Variants in NRXN1 observed in about 807,000 individuals in gnomAD.
The protein encoded by NRXN1 is neurexin-1.
A neutral mutation model predicts 150.9 loss-of-function variants in NRXN1; 39 were observed. That is an observed-to-expected ratio of 0.26 (90% CI 0.20 to 0.34). The LOEUF is 0.34. Among genes scored for constraint, NRXN1 ranks in the 10% least tolerant of loss-of-function variants. The pLI, the probability that NRXN1 is intolerant of heterozygous loss-of-function variation, is 1.00. For missense variants in NRXN1, 1,815 were observed against 1,949.9 expected (o/e 0.93, Z 1.30); for synonymous variants, 924 against 757.0 (o/e 1.22, Z -3.62).
At chr2:50,758,478 A>G (rs552742728) in intron 5 of NRXN1, among the ~76,000 whole-genome samples, 1 of 151,942 alleles carries the variant, frequency 6.6e-6, no homozygotes, top group African/African-American at 2.4e-5. Flanking sequence ...AAACAAACAA[A>G]CAAACAAACA....
At chr2:50,292,933 T>C (rs1295188830) in intron 17 of NRXN1, among the ~76,000 whole-genome samples, 2 of 152,184 alleles carry the variant, frequency 1.3e-5, no homozygotes, top group Non-Finnish European at 2.9e-5. Context: ...CTGGAATAGA[T>C]GGCGACCTCA....
At chr2:50,814,306 A>G (rs969492721) in intron 5 of NRXN1, among the ~76,000 whole-genome samples, 7 of 151,954 alleles carry the variant, frequency 4.6e-5, no homozygotes, top group Non-Finnish European at 1.0e-4. Context: ...TTTCTTCTCA[A>G]TTTTTTAATC....
At chr2:49,937,708 T>C (rs1671292905) in intron 22 of NRXN1, among the ~76,000 whole-genome samples, 1 of 152,182 alleles carries the variant, frequency 6.6e-6, no homozygotes, top group South Asian at 2.1e-4. Context: ...GGAACACTCA[T>C]TGCTACTGTT....
chr2:50,404,666 T>A (rs1475012020), intron 17 of NRXN1, among the ~76,000 whole-genome samples: 1 of 152,136 alleles, frequency 6.6e-6, no homozygotes, highest in African/African-American at 2.4e-5. Flanking sequence ...AAAATATGGA[T>A]TTCAGAGTTT....
chr2:50,431,060 C>A (rs1315087287), intron 17 of NRXN1, among the ~76,000 whole-genome samples: 3 of 152,180 alleles, frequency 2.0e-5, no homozygotes, highest in East Asian at 3.8e-4. Flanking sequence ...AACAAAGATG[C>A]CCATGCTTTT....
At chr2:49,977,972 G>C (rs1679278240) in intron 21 of NRXN1, among the ~76,000 whole-genome samples, 1 of 152,028 alleles carries the variant, frequency 6.6e-6, no homozygotes, top group African/African-American at 2.4e-5. Context: ...CACCATCCTG[G>C]CCAACATGGT....
intron 2 of NRXN1, among the ~76,000 whole-genome samples, chr2:50,931,583 C>A (rs1687752346): frequency 6.6e-6 from 1 of 151,970 alleles, no homozygotes. Flanking sequence ...AGGACCCTCA[C>A]ATATGTAACA....
At chr2:49,985,142 C>A (rs1442704511) in intron 21 of NRXN1, among the ~76,000 whole-genome samples, 3 of 152,036 alleles carry the variant, frequency 2.0e-5, no homozygotes, top group East Asian at 1.9e-4. Context: ...GCAATATATA[C>A]CTTTTGAAAA....
intron 5 of NRXN1, among the ~76,000 whole-genome samples, chr2:50,909,536 A>G (rs1425597489): frequency 6.6e-6 from 1 of 151,992 alleles, no homozygotes; most frequent in African/African-American, 2.4e-5. Flanking sequence ...TCTGGCTCCT[A>G]GTAAATTGCT....
At chr2:50,173,493 C>T (rs1385307508) in intron 18 of NRXN1, among the ~76,000 whole-genome samples, 1 of 152,050 alleles carries the variant, frequency 6.6e-6, no homozygotes, top group Non-Finnish European at 1.5e-5. Context: ...AGCACTGGAA[C>T]AAGACAACAA....
intron 2 of NRXN1, among the ~76,000 whole-genome samples, chr2:50,991,399 T>C (rs1389151890): frequency 6.6e-6 from 1 of 151,692 alleles, no homozygotes; most frequent in African/African-American, 2.4e-5. Flanking sequence ...TCAAAATGGA[T>C]GCTTGTGATG....
At chr2:50,507,133 G>T (rs192720266) in intron 12 of NRXN1, among the ~76,000 whole-genome samples, 15 of 152,152 alleles carry the variant, frequency 9.9e-5, no homozygotes. Flanking sequence ...TCTGGGAGAA[G>T]GTACTATCTT....
In NRXN1 at chr2:50,706,723, G is replaced by T. The variant is rs570888511; in HGVS notation, c.833-83108C>A. On this transcript the variant is annotated intron_variant, in intron 5 of 22. Transcript: ENST00000401669. Reference sequence around the variant, plus strand: ...ATCTATAAAATGTTATTGTTAAATGGGAATCTTATCAATGACCGGTGCATT... The same window carrying T: ...ATCTATAAAATGTTATTGTTAAATGTGAATCTTATCAATGACCGGTGCATT... 3.3e-5 allele frequency among the ~76,000 whole-genome samples: 5 copies of T among 152,038 alleles called. 1 individual carries two copies. The highest frequency in any genetic ancestry group is 1.2e-4 in the African/African-American group (5 of 41,504).
At chr2:50,884,326 GT>G (rs1256422179) in intron 5 of NRXN1, among the ~76,000 whole-genome samples, 1 of 151,624 alleles carries the variant, frequency 6.6e-6, no homozygotes, top group African/African-American at 2.4e-5. Context: ...TGTCAATTTA[GT>G]TTTTTAGCAA....
At chr2:50,768,482 A>C (rs1381650145) in intron 5 of NRXN1, among the ~76,000 whole-genome samples, 5 of 150,098 alleles carry the variant, frequency 3.3e-5, no homozygotes, top group African/African-American at 1.2e-4. Context: ...TTTTTTTTTA[A>C]TTTTAGTAGA....
intron 17 of NRXN1, among the ~76,000 whole-genome samples, chr2:50,372,051 C>T (rs2080068644): frequency 6.6e-6 from 1 of 152,046 alleles, no homozygotes; most frequent in Admixed American, 6.6e-5. Flanking sequence ...AACAAAATCA[C>T]TGTTGCTTAC....
At chr2:50,920,000 A>G in intron 5 of NRXN1, 1 of 401,800 alleles carries the variant, frequency 2.5e-6, no homozygotes, top group Non-Finnish European at 5.4e-6. Context: ...AGATTTGTTG[A>G]ATTAATCTGC....
At chr2:49,996,484 T>A (rs1268046216) in intron 21 of NRXN1, among the ~76,000 whole-genome samples, 1 of 152,192 alleles carries the variant, frequency 6.6e-6, no homozygotes, top group East Asian at 1.9e-4. Context: ...TTTAAATAAG[T>A]TAACTGACAT....
intron 17 of NRXN1, among the ~76,000 whole-genome samples, chr2:50,239,276 ATACT>A (rs2065764306): frequency 6.6e-6 from 1 of 151,804 alleles, no homozygotes; most frequent in Non-Finnish European, 1.5e-5. Context: ...CTGAGTGCTG[ATACT>A]TAATAATTAA....
Sources: allele counts gnomAD v4.1 joint callset (sites outside exome capture counted in the v4.1 genomes callset), GRCh38; gene constraint gnomAD v4.1.1; transcripts MANE v1.5; gene names NCBI Gene and HGNC (gene_info 2026-07-23, HGNC 2026-07-21).